Variants in RAPGEF1 observed in about 807,000 individuals in gnomAD.
RAPGEF1 encodes the protein CRK SH3-binding GNRP.
RAPGEF1 carries 33 observed loss-of-function variants against 143.3 expected under a neutral mutation model. The observed-to-expected ratio is 0.23, with a 90% CI of 0.17 to 0.31. RAPGEF1 has a LOEUF of 0.31. Ranked by LOEUF, RAPGEF1 falls within the 10% of genes least tolerant of loss-of-function variation. The probability of loss-of-function intolerance (pLI) is 1.00; values close to 1 mark genes in which losing one functional copy is unlikely to be tolerated. For synonymous variants in RAPGEF1, 629 were observed against 676.5 expected (o/e 0.93, Z 1.09); for missense variants, 1,199 against 1,645.4 (o/e 0.73, Z 4.69).
intron 15 of RAPGEF1, 118 bp from the exon 16 acceptor site, chr9:131,598,428 G>A (rs1000390269): frequency 1.4e-5 from 11 of 787,628 alleles, no homozygotes; most frequent in South Asian, 8.7e-5. Context: ...TGCCTGCCCC[G>A]ATGGCAGCTA....
intron 1 of RAPGEF1, among the ~76,000 whole-genome samples, chr9:131,701,734 G>C (rs372488697): frequency 6.6e-6 from 1 of 152,070 alleles, no homozygotes; most frequent in African/African-American, 2.4e-5. Flanking sequence ...CTGTTATATT[G>C]CTATCCTAAC....
Position 131,605,147 on chromosome 9 carries a change from A to G in RAPGEF1, c.2103T>C (p.Pro701=), listed in dbSNP as rs374846975. ...AAGGCGGAACGGAAGCTTGGTGGTG[A>G]GGCACGAAATCCTGGGAGTAGGACC... ...VFRSYSQDFV[P]HHQASVPPFL... is the part of the protein sequence containing the mutation. Residue 701 remains proline (P), a synonymous_variant, in exon 13 of 27, where the codon CCT becomes CCC. Coordinates refer to ENST00000683357, the MANE Select transcript of RAPGEF1 (RefSeq NM_001377935.1). 1.5e-5 allele frequency: 20 copies of G among 1,361,842 alleles called. No homozygotes were observed. The highest frequency in any genetic ancestry group is 2.0e-5 in the Non-Finnish European group (20 of 1,019,522). 84.4% of individuals were successfully genotyped at this position (1,361,842 alleles called of 1,614,324 possible). A position where few individuals can be genotyped will look rare whatever the true frequency, so the allele number is the denominator to read the frequency against.
At chr9:131,683,329 A>G (rs528125395) in intron 1 of RAPGEF1, among the ~76,000 whole-genome samples, 1 of 152,352 alleles carries the variant, frequency 6.6e-6, no homozygotes, top group Non-Finnish European at 1.5e-5. Context: ...TAGAGAAATT[A>G]GTTACTGAAC....
rs200724240 is a variant in RAPGEF1 at position 131,626,250 on chromosome 9, G to A, written c.1374C>T (p.Asp458=). 2.3e-4 allele frequency: 368 copies of A among 1,613,950 alleles called. 2 individuals carry two copies. The highest frequency in any genetic ancestry group is 1.6e-4 in the Middle Eastern group (1 of 6,062). ...QLPLGGHPQP[D]GPLAPGQQTD... ...TCTGCTGCCCTGGGGCCAGAGGTCCGTCTGGCTGGGGATGGCCGCCAAGAG... is the reference window on the plus strand; with the variant it reads ...TCTGCTGCCCTGGGGCCAGAGGTCCATCTGGCTGGGGATGGCCGCCAAGAG... The change falls in exon 10 of 27, where the codon GAC becomes GAT. Residue 458 remains aspartate (D), a synonymous_variant. Transcript: ENST00000683357.
chr9:131,656,300 C>T (rs376163912), intron 1 of RAPGEF1, among the ~76,000 whole-genome samples: 1 of 152,190 alleles, frequency 6.6e-6, no homozygotes, highest in African/African-American at 2.4e-5. Context: ...GGCTTTTAGC[C>T]TATTAGTCTA....
intron 14 of RAPGEF1, among the ~76,000 whole-genome samples, chr9:131,603,626 A>T (rs573324037): frequency 1.3e-5 from 2 of 152,280 alleles, no homozygotes; most frequent in African/African-American, 2.4e-5. Context: ...CAACACCAGA[A>T]GATAAGGGAG....
intron 15 of RAPGEF1, among the ~76,000 whole-genome samples, chr9:131,599,127 AT>A (rs1454211853): frequency 3.3e-5 from 3 of 91,496 alleles, no homozygotes; most frequent in Non-Finnish European, 4.6e-5. Context: ...CCAGCCACTT[AT>A]TTGTTTTTTT....
At chr9:131,627,020 T>C (rs1326499306) in intron 9 of RAPGEF1, among the ~76,000 whole-genome samples, 1 of 143,142 alleles carries the variant, frequency 7.0e-6, no homozygotes, top group African/African-American at 2.6e-5. Context: ...AAGACCAGCC[T>C]GGTCAACATG....
intron 11 of RAPGEF1, among the ~76,000 whole-genome samples, chr9:131,620,459 T>C (rs934140913): frequency 1.3e-5 from 2 of 152,168 alleles, no homozygotes; most frequent in African/African-American, 4.8e-5. Context: ...AAATGAGGCA[T>C]TTATGTTTCC....
intron 22 of RAPGEF1, among the ~76,000 whole-genome samples, chr9:131,586,811 C>T (rs1953034735): frequency 7.9e-6 from 1 of 127,134 alleles, no homozygotes; most frequent in Admixed American, 7.6e-5. Context: ...CACACACACA[C>T]ACACACCTGC....
rs1279507543 is a variant in RAPGEF1 at position 131,584,464 on chromosome 9, C to A, written c.3313-52G>T. On this transcript the variant is annotated intron_variant, in intron 23 of 26. Coordinates refer to ENST00000683357, the MANE Select transcript of RAPGEF1 (RefSeq NM_001377935.1). The surrounding 1 kb of genome is among the most constrained non-coding windows in gnomAD (Gnocchi z 6.8). ...GGCAGGAGGGCAGGCGGGTCCCGGG[C>A]TCCCAGAGCAGGGACTGATGATGGG... The A allele has an allele frequency of 3.1e-6, 5 of 1,612,158 alleles. No individual in the cohort carries two copies. The Admixed American group carries it at 8.3e-5, about 27-fold the overall frequency.
chr9:131,671,855 A>T (rs1831452752), intron 1 of RAPGEF1, among the ~76,000 whole-genome samples: 2 of 152,244 alleles, frequency 1.3e-5, no homozygotes, highest in Non-Finnish European at 2.9e-5. Context: ...TGCACAACCA[A>T]CCCATTTAGC....
chr9:131,727,074 C>T (rs1836727743), intron 1 of RAPGEF1, among the ~76,000 whole-genome samples: 2 of 151,790 alleles, frequency 1.3e-5, no homozygotes, highest in South Asian at 2.1e-4. Flanking sequence ...TTTTTTAAAC[C>T]TCACCCATAA....
At chr9:131,623,770 G>A (rs1382759536) in intron 10 of RAPGEF1, among the ~76,000 whole-genome samples, 3 of 152,244 alleles carry the variant, frequency 2.0e-5, no homozygotes, top group African/African-American at 4.8e-5. Flanking sequence ...CGGGCAAGAG[G>A]GGCTGGGGAC....
chr9:131,590,375 G>A (rs1044808963), intron 18 of RAPGEF1, among the ~76,000 whole-genome samples: 1 of 152,198 alleles, frequency 6.6e-6, no homozygotes, highest in African/African-American at 2.4e-5. Context: ...CTAGGCAGGT[G>A]TGTAGGCCAG....
chr9:131,700,599 A>C (rs1834558743), intron 1 of RAPGEF1, among the ~76,000 whole-genome samples: 1 of 152,250 alleles, frequency 6.6e-6, no homozygotes, highest in Admixed American at 6.5e-5. Context: ...CAATAAATGA[A>C]CAAATATAGA....
intron 14 of RAPGEF1, among the ~76,000 whole-genome samples, chr9:131,603,687 C>A (rs544774399): frequency 6.6e-6 from 1 of 152,188 alleles, no homozygotes; most frequent in South Asian, 2.1e-4. Flanking sequence ...CCGTGCCACG[C>A]TGGTCCCAGA....
In RAPGEF1 at chr9:131,674,335, C is replaced by T. The variant is rs549381519; in HGVS notation, c.62-23386G>A. ...ATTTCTGAGGGCAATGAACCAACTA[C>T]GTTAAGACCAGTCTGAAAATGCTGA... On this transcript the variant is annotated intron_variant, in intron 1 of 26. Coordinates refer to ENST00000683357, the MANE Select transcript of RAPGEF1 (RefSeq NM_001377935.1). Among the ~76,000 whole-genome samples the T allele has an allele frequency of 3.7e-4, 57 of 152,304 alleles. 2 individuals are homozygous for T. The South Asian group carries it at 0.011, about 30-fold the overall frequency.
chr9:131,598,117 T>C, intron 16 of RAPGEF1, 82 bp downstream of exon 16: 3 of 1,243,348 alleles, frequency 2.4e-6, no homozygotes, highest in Non-Finnish European at 3.5e-6. Flanking sequence ...GTTCTGCTTA[T>C]GACAAGATCA....
Sources: allele counts gnomAD v4.1 joint callset (sites outside exome capture counted in the v4.1 genomes callset), GRCh38; gene constraint gnomAD v4.1.1; non-coding constraint Gnocchi (gnomAD v3.1); transcripts MANE v1.5; gene names NCBI Gene and HGNC (gene_info 2026-07-23, HGNC 2026-07-21).